AGPS: variants seen among roughly 807,000 people sequenced by gnomAD.
The protein encoded by AGPS is alkyldihydroxyacetonephosphate synthase, peroxisomal.
A neutral mutation model predicts 90.7 loss-of-function variants in AGPS; 26 were observed. That is an observed-to-expected ratio of 0.29 (90% confidence interval 0.21 to 0.40). The LOEUF (loss-of-function observed/expected upper bound fraction) is 0.40, where lower values mean the gene tolerates loss of function less well. Among genes scored for constraint, AGPS ranks in the 10% least tolerant of loss-of-function variants. AGPS has a pLI of 1.00. For missense variants in AGPS, 540 were observed against 816.1 expected, an observed-to-expected ratio of 0.66 and a Z score of 4.12; for synonymous variants, 294 against 285.3, an observed-to-expected ratio of 1.03 and a Z score of -0.31.
intron 10 of AGPS, among the ~76,000 whole-genome samples, chr2:177,471,366 A>G (rs1289713460): frequency 6.6e-6 from 1 of 152,142 alleles, no homozygotes; most frequent in African/African-American, 2.4e-5. Flanking sequence ...GATTAACCAT[A>G]TTAAGTTTAA....
At chr2:177,524,105 C>G (rs551506733) in intron 19 of AGPS, among the ~76,000 whole-genome samples, 2 of 152,230 alleles carry the variant, frequency 1.3e-5, no homozygotes, top group African/African-American at 4.8e-5. Context: ...ACCATTACAG[C>G]AAACGTTTTT....
chr2:177,405,349 A>C (rs1685437332), intron 1 of AGPS, among the ~76,000 whole-genome samples: 1 of 152,146 alleles, frequency 6.6e-6, no homozygotes, highest in Non-Finnish European at 1.5e-5. Context: ...AGCTGAACCA[A>C]CTCTGGTTAT....
At chr2:177,417,575 A>G (rs772882955) in intron 1 of AGPS, among the ~76,000 whole-genome samples, 13 of 152,238 alleles carry the variant, frequency 8.5e-5, no homozygotes, top group Non-Finnish European at 1.0e-4. Context: ...GATGGGTTTC[A>G]GATATTATTG....
At chr2:177,441,114 C>A in intron 6 of AGPS, 78 bp downstream of exon 6, 1 of 1,211,200 alleles carries the variant, frequency 8.3e-7, no homozygotes, top group Non-Finnish European at 1.2e-6. Context: ...ATTTGCGTCA[C>A]CCTACTGAAA....
intron 11 of AGPS, among the ~76,000 whole-genome samples, chr2:177,485,120 G>A (rs188327707): frequency 6.6e-6 from 1 of 152,202 alleles, no homozygotes; most frequent in East Asian, 1.9e-4. Flanking sequence ...GTTTGGATTT[G>A]TATTTATTTT....
chr2:177,511,356 C>T (rs1316672457), intron 16 of AGPS, among the ~76,000 whole-genome samples: 4 of 151,896 alleles, frequency 2.6e-5, no homozygotes, highest in South Asian at 2.1e-4. Context: ...CATTGGCCTT[C>T]GAAAGTGCTG....
chr2:177,420,259 T>A lies in AGPS; in HGVS notation c.261-10T>A, dbSNP rs1039108067. 18 of 1,568,916 alleles carry A rather than the reference T, an allele frequency of 1.1e-5. No homozygotes were observed. Among genetic ancestry groups the A allele is most frequent in the Non-Finnish European group, 1.5e-5 (17 of 1,139,962 alleles). ...ATTGGTCTCACTTATATATATTTTC[T>A]TCTCACTAGGCAAGAAGTTATGAAA... On this transcript the variant is annotated splice_polypyrimidine_tract_variant and intron_variant, in intron 1 of 19. Coordinates refer to ENST00000264167, the MANE Select transcript of AGPS (RefSeq NM_003659.4).
intron 16 of AGPS, among the ~76,000 whole-genome samples, chr2:177,510,289 C>CAG (rs373115009): frequency 1.3e-5 from 2 of 151,608 alleles, no homozygotes; most frequent in South Asian, 2.1e-4. Context: ...TGGAGGAAAG[C>CAG]AGAGAGAGAG....
At chr2:177,447,255 A>C (rs1190742513) in intron 8 of AGPS, among the ~76,000 whole-genome samples, 2 of 152,160 alleles carry the variant, frequency 1.3e-5, no homozygotes, top group East Asian at 3.8e-4. Context: ...GGCTTTGAAA[A>C]AAAATGATTA....
intron 8 of AGPS, among the ~76,000 whole-genome samples, chr2:177,461,145 G>C (rs1687282568): frequency 6.6e-6 from 1 of 152,212 alleles, no homozygotes; most frequent in Non-Finnish European, 1.5e-5. Flanking sequence ...GCAGATGGTG[G>C]TGTCTGTACC....
At chr2:177,445,688 A>C in intron 8 of AGPS, 62 bp downstream of exon 8, 2 of 1,199,436 alleles carry the variant, frequency 1.7e-6, no homozygotes, top group Non-Finnish European at 2.3e-6. Flanking sequence ...TTCTGATGTT[A>C]TTTCTTTAAT....
At chr2:177,488,271 G>T (rs772152985) in intron 11 of AGPS, among the ~76,000 whole-genome samples, 7 of 150,544 alleles carry the variant, frequency 4.6e-5, no homozygotes, top group Non-Finnish European at 8.9e-5. Context: ...GGAGTGCAGT[G>T]GTGCCATCTC....
intron 8 of AGPS, among the ~76,000 whole-genome samples, chr2:177,456,492 G>A (rs571384938): frequency 6.6e-6 from 1 of 152,268 alleles, no homozygotes; most frequent in Admixed American, 6.5e-5. Flanking sequence ...AAAAACCCAG[G>A]TTTTCAACCA....
chr2:177,463,377 T>A (rs1272099414), intron 9 of AGPS, among the ~76,000 whole-genome samples: 1 of 152,232 alleles, frequency 6.6e-6, no homozygotes, highest in African/African-American at 2.4e-5. Context: ...TGGTGTGTAG[T>A]AGGTGCTTCA....
intron 9 of AGPS, among the ~76,000 whole-genome samples, chr2:177,467,314 T>G (rs1462236448): frequency 6.6e-6 from 1 of 152,246 alleles, no homozygotes; most frequent in East Asian, 1.9e-4. Context: ...TTATTGAGAA[T>G]GCATGGTTTA....
chr2:177,408,706 C>T (rs2105595097), intron 1 of AGPS, among the ~76,000 whole-genome samples: 1 of 152,276 alleles, frequency 6.6e-6, no homozygotes, highest in African/African-American at 2.4e-5. Context: ...AAAGTTTTTC[C>T]TTTCCGTTTC....
rs776584113 is a variant in AGPS at position 177,484,354 on chromosome 2, G to GT, written c.1233+2175dup. 6.6e-5 allele frequency among the ~76,000 whole-genome samples: 10 copies of GT among 151,732 alleles called. No individual in the cohort carries two copies. The East Asian group carries it at 7.8e-4, about 12-fold the overall frequency. ...CCACAAAAAGTGTGGTTTTTTGTTT[G>GT]TTTTTTTAAGATGGAATCCTACTCT... On this transcript the variant is annotated intron_variant, in intron 11 of 19. Transcript: ENST00000264167.
At chr2:177,487,506 T>G (rs945060188) in intron 11 of AGPS, among the ~76,000 whole-genome samples, 1 of 152,118 alleles carries the variant, frequency 6.6e-6, no homozygotes, top group Non-Finnish European at 1.5e-5. Context: ...AGATTATAAT[T>G]TGGGAAGACA....
intron 10 of AGPS, among the ~76,000 whole-genome samples, chr2:177,474,118 T>C (rs1263255824): frequency 6.6e-6 from 1 of 152,260 alleles, no homozygotes; most frequent in East Asian, 1.9e-4. Context: ...TAATAACTTG[T>C]ACATTTATAA....
Sources: gnomAD v4.1 joint callset for allele counts (sites outside exome capture counted in the v4.1 genomes callset) on GRCh38, gnomAD v4.1.1 for gene constraint, MANE v1.5 for transcripts, NCBI Gene and HGNC (gene_info 2026-07-23, HGNC 2026-07-21) for gene names.